The following RELN variants were observed in gnomAD, a reference collection of about 807,000 sequenced individuals.
RELN encodes the protein reelin.
In RELN, 108 loss-of-function variants were observed where a neutral mutation model predicts 427.6. The observed-to-expected ratio is 0.25, with a 90% CI of 0.22 to 0.30. RELN has a LOEUF of 0.30. Among genes scored for constraint, RELN ranks in the 10% least tolerant of loss-of-function variants. The pLI is 1.00. For missense variants in RELN, 3,715 were observed against 4,302.8 expected (o/e 0.86, Z 3.82); for synonymous variants, 1,524 against 1,513.4 (o/e 1.01, Z -0.16).
At chr7:103,522,830 G>GACAGACACACACACACACAGACAC (rs1829739097) in intron 47 of RELN, among the ~76,000 whole-genome samples, 1 of 4,016 alleles carries the variant, frequency 2.5e-4, no homozygotes, top group Non-Finnish European at 4.8e-4. Context: ...ATCTCACACA[G>GACAGACACACACACACACAGACAC]ACACACAGAC....
chr7:103,917,522 T>C (rs957035425), intron 1 of RELN, among the ~76,000 whole-genome samples: 2 of 151,460 alleles, frequency 1.3e-5, no homozygotes, highest in Admixed American at 6.6e-5. Flanking sequence ...TCAAAGGCAT[T>C]GCTGGAGTTT....
intron 28 of RELN, among the ~76,000 whole-genome samples, chr7:103,582,839 G>A (rs906568215): frequency 6.6e-6 from 1 of 152,138 alleles, no homozygotes; most frequent in African/African-American, 2.4e-5. Flanking sequence ...GTTATGTTGC[G>A]GCAACAAACA....
intron 1 of RELN, among the ~76,000 whole-genome samples, chr7:103,931,950 A>T (rs1795875986): frequency 6.6e-6 from 1 of 152,234 alleles, no homozygotes; most frequent in South Asian, 2.1e-4. Flanking sequence ...AGTGTAAATT[A>T]GTTCAACCAT....
At chr7:103,855,813 T>C (rs1266676349) in intron 2 of RELN, among the ~76,000 whole-genome samples, 2 of 152,164 alleles carry the variant, frequency 1.3e-5, no homozygotes, top group Admixed American at 1.3e-4. Context: ...CCTGTATCTC[T>C]GTATCCAATA....
At chr7:103,680,795 C>T (rs1406961723) in intron 11 of RELN, among the ~76,000 whole-genome samples, 3 of 152,008 alleles carry the variant, frequency 2.0e-5, no homozygotes, top group Non-Finnish European at 2.9e-5. Context: ...AGCTGTACTG[C>T]ACATGAAACT....
chr7:103,689,791 G>GA (rs138625618), intron 10 of RELN, among the ~76,000 whole-genome samples: 3,912 of 152,268 alleles, frequency 0.026, 59 homozygotes, highest in Non-Finnish European at 0.037. Flanking sequence ...TGCAGCTCTT[G>GA]ATGATAACTT....
Position 103,483,818 on chromosome 7 carries a change from A to G in RELN, c.10016T>C (p.Met3339Thr), listed in dbSNP as rs150638029. 3.6e-5 allele frequency: 58 copies of G among 1,613,936 alleles called. No individual in the cohort carries two copies. In the African/African-American group the frequency reaches 4.1e-4, roughly 12 times the overall value. Residue 3339 changes from methionine (M) to threonine (T), a missense_variant, in exon 62 of 65, where the codon ATG becomes ACG. By Grantham distance (81) the Met-to-Thr change is moderately conservative. Transcript: ENST00000428762. ...ACTGTTGCAGCTGTCCGTCTGCGAC[A>G]TGCTCCCAATTTGCAAAACAAACAT... ...KIMFVLQIGS[M>T]SQTDSCNSDL...
intron 1 of RELN, among the ~76,000 whole-genome samples, chr7:103,964,451 A>G: frequency 6.6e-6 from 1 of 152,170 alleles, no homozygotes; most frequent in Non-Finnish European, 1.5e-5. Context: ...TCCAGCTAGC[A>G]CCAACCACCA....
At chr7:103,875,130 T>A (rs76359024) in intron 2 of RELN, among the ~76,000 whole-genome samples, 5 of 131,712 alleles carry the variant, frequency 3.8e-5, no homozygotes, top group African/African-American at 1.3e-4. Flanking sequence ...TTTAATAAAT[T>A]GTGCTGGGAA....
rs1048510493 is a variant in RELN, at chr7:103,953,788, C to T, written c.226+35343G>A. ...TCTCTTCTAAAAATAGAAAATTATCCAGGTGTGGTGGCACACGCCTATAAT... is the reference window on the plus strand; with the variant it reads ...TCTCTTCTAAAAATAGAAAATTATCTAGGTGTGGTGGCACACGCCTATAAT... On this transcript the variant is annotated intron_variant, in intron 1 of 64. Transcript: ENST00000428762. The surrounding 1 kb of genome is among the most constrained non-coding windows in gnomAD (Gnocchi z 4.3). Among the ~76,000 whole-genome samples the T allele has an allele frequency of 4.0e-5, 6 of 151,258 alleles. No individual in the cohort carries two copies. Among genetic ancestry groups the T allele is most frequent in the African/African-American group, 1.5e-4 (6 of 41,214 alleles).
intron 1 of RELN, among the ~76,000 whole-genome samples, chr7:103,971,152 C>CAAAAAAAA (rs559162833): frequency 2.5e-5 from 2 of 81,266 alleles, no homozygotes; most frequent in Non-Finnish European, 5.6e-5. Context: ...GACTCTATCT[C>CAAAAAAAA]AAAAAAAAAA....
chr7:103,623,613 C>T (rs1222992685), intron 20 of RELN, among the ~76,000 whole-genome samples: 1 of 152,160 alleles, frequency 6.6e-6, no homozygotes, highest in East Asian at 1.9e-4. Flanking sequence ...TGACTAGTTT[C>T]CCAAGATTGG....
chr7:103,683,705 G>A (rs560915829), intron 10 of RELN, among the ~76,000 whole-genome samples: 2 of 152,216 alleles, frequency 1.3e-5, no homozygotes, highest in Admixed American at 6.5e-5. Context: ...CATAATAAGC[G>A]ACTTTTGGGT....
At chr7:103,755,803 A>T (rs1265416332) in intron 4 of RELN, among the ~76,000 whole-genome samples, 6 of 123,484 alleles carry the variant, frequency 4.9e-5, no homozygotes, top group Admixed American at 8.2e-5. Flanking sequence ...ACAGAGTGAG[A>T]CTCCACCTCA....
intron 4 of RELN, among the ~76,000 whole-genome samples, chr7:103,774,772 T>C (rs1791696690): frequency 2.0e-5 from 3 of 152,218 alleles, no homozygotes; most frequent in Non-Finnish European, 2.9e-5. Context: ...GCACTCTTGT[T>C]AGCATTATTT....
At chr7:103,699,364 A>T (rs917937512) in intron 9 of RELN, among the ~76,000 whole-genome samples, 1 of 152,170 alleles carries the variant, frequency 6.6e-6, no homozygotes, top group Non-Finnish European at 1.5e-5. Flanking sequence ...TTTCATGATG[A>T]CTATGCTTTT....
chr7:103,871,937 G>T (rs768070802), intron 2 of RELN, among the ~76,000 whole-genome samples: 3 of 150,822 alleles, frequency 2.0e-5, no homozygotes, highest in Non-Finnish European at 4.4e-5. Context: ...TTACTATTAC[G>T]CAAAGTAAAC....
chr7:103,678,235 A>G (rs1443931417), intron 11 of RELN, among the ~76,000 whole-genome samples: 2 of 152,220 alleles, frequency 1.3e-5, no homozygotes, highest in Non-Finnish European at 2.9e-5. Context: ...CACAAATTCC[A>G]TATTATAGCA....
intron 2 of RELN, among the ~76,000 whole-genome samples, chr7:103,882,355 A>G (rs887640262): frequency 2.6e-5 from 4 of 152,114 alleles, no homozygotes; most frequent in African/African-American, 7.2e-5. Context: ...CTATATTACT[A>G]TGACTCTTCA....
Sources: allele counts gnomAD v4.1 joint callset (sites outside exome capture counted in the v4.1 genomes callset), GRCh38; gene constraint gnomAD v4.1.1; non-coding constraint Gnocchi (gnomAD v3.1); transcripts MANE v1.5; gene names NCBI Gene and HGNC (gene_info 2026-07-23, HGNC 2026-07-21).